Variants in BATF observed in about 807,000 individuals in gnomAD.
BATF encodes the protein basic leucine zipper ATF-like transcription factor, also known as basic leucine zipper transcriptional factor ATF-like.
BATF carries 5 observed loss-of-function variants against 13.7 expected under a neutral mutation model. That is an observed-to-expected ratio of 0.36 (90% confidence interval 0.19 to 0.77). The LOEUF (loss-of-function observed/expected upper bound fraction) is 0.77, where lower values mean the gene tolerates loss of function less well. BATF is among the 30% of genes least tolerant of loss of function. The pLI, the probability that BATF is intolerant of heterozygous loss-of-function variation, is 0.51. For missense variants in BATF, 124 were observed against 163.0 expected, an observed-to-expected ratio of 0.76 and a Z score of 1.30; for synonymous variants, 72 against 67.5, an observed-to-expected ratio of 1.07 and a Z score of -0.33.
chr14:75,545,816 A>G (rs1022600729), intron 2 of BATF, among the ~76,000 whole-genome samples: 1 of 151,980 alleles, frequency 6.6e-6, no homozygotes, highest in Non-Finnish European at 1.5e-5. Flanking sequence ...GCAGAGGAAC[A>G]CACTCACACA....
chr14:75,541,059 A>T (rs1464828514), intron 2 of BATF, among the ~76,000 whole-genome samples: 1 of 152,234 alleles, frequency 6.6e-6, no homozygotes, highest in Admixed American at 6.5e-5. Context: ...CTGCACTCCC[A>T]GTCTGGGCAA....
chr14:75,542,329 T>C (rs1595008901), intron 2 of BATF, among the ~76,000 whole-genome samples: 1 of 152,290 alleles, frequency 6.6e-6, no homozygotes, highest in East Asian at 1.9e-4. Context: ...GAATTCTGAA[T>C]AGGAGAAAGA....
At chr14:75,540,737 A>G (rs1273573166) in intron 2 of BATF, among the ~76,000 whole-genome samples, 1 of 151,864 alleles carries the variant, frequency 6.6e-6, no homozygotes, top group Non-Finnish European at 1.5e-5. Flanking sequence ...ATCAAATGTA[A>G]TGATAACCAT....
At chr14:75,543,659 C>T (rs896646229) in intron 2 of BATF, among the ~76,000 whole-genome samples, 1 of 151,866 alleles carries the variant, frequency 6.6e-6, no homozygotes, top group South Asian at 2.1e-4. Flanking sequence ...AGCCTCCAAC[C>T]CCTGGTGCTC....
chr14:75,525,479 A>G (rs1472417804), intron 2 of BATF, among the ~76,000 whole-genome samples: 1 of 152,022 alleles, frequency 6.6e-6, no homozygotes, highest in Non-Finnish European at 1.5e-5. Context: ...CCTGGCCAAC[A>G]TGGTGAAACC....
At chr14:75,530,953 T>C (rs1403240149) in intron 2 of BATF, among the ~76,000 whole-genome samples, 1 of 152,240 alleles carries the variant, frequency 6.6e-6, no homozygotes, top group Non-Finnish European at 1.5e-5. Flanking sequence ...AAGAGGGAGA[T>C]ACTTGGCATT....
In BATF at chr14:75,525,101, G is replaced by A. The variant is rs1295486527; in HGVS notation, c.81G>A (p.Val27=). 6.2e-7 allele frequency: 1 copy of A among 1,613,598 alleles called. No individual in the cohort carries two copies. Among genetic ancestry groups the A allele is most frequent in the Admixed American group, 1.7e-5 (1 of 59,944 alleles). ...CTTCCCAGGACTCATCTGATGATGT[G>A]AGAAGAGTTCAGAGGAGGGAGAAAA... The part of the protein sequence containing the change: ...PPGKQDSSDD[V]RRVQRREKNR... Residue 27 remains valine (V), a synonymous_variant, in exon 2 of 3, where the codon GTG becomes GTA. Coordinates refer to ENST00000286639, the MANE Select transcript of BATF (RefSeq NM_006399.5).
chr14:75,546,801 GA>G lies in BATF; in HGVS notation c.*132del. The G allele has an allele frequency of 1.6e-6, 2 of 1,244,660 alleles. No homozygotes were observed. Among genetic ancestry groups the G allele is most frequent in the Non-Finnish European group, 2.2e-6 (2 of 891,174 alleles). The allele number at this position is 1,244,660 out of a possible 1,614,324, so 77.1% of individuals were successfully genotyped here. A position where few individuals can be genotyped will look rare whatever the true frequency, so the allele number is the denominator to read the frequency against. ...AGGCCTGGACAAGGAGTGAACACGGGAACTGTCACGACTGGAAGGGCGTGAG... is the reference window on the plus strand; with the variant it reads ...AGGCCTGGACAAGGAGTGAACACGGGACTGTCACGACTGGAAGGGCGTGAG... On this transcript the variant is annotated 3_prime_UTR_variant, in exon 3 of 3. Transcript: ENST00000286639.
At chr14:75,538,263 T>C (rs1887845570) in intron 2 of BATF, among the ~76,000 whole-genome samples, 1 of 152,206 alleles carries the variant, frequency 6.6e-6, no homozygotes, top group African/African-American at 2.4e-5. Context: ...CCTTATGTTA[T>C]TATTAAAAGG....
intron 2 of BATF, among the ~76,000 whole-genome samples, chr14:75,543,547 C>T (rs1048688808): frequency 2.6e-5 from 4 of 152,076 alleles, no homozygotes; most frequent in African/African-American, 7.2e-5. Flanking sequence ...CTGATGGATT[C>T]GTTAGGGCAA....
intron 1 of BATF, among the ~76,000 whole-genome samples, chr14:75,523,699 A>T (rs956151825): frequency 6.6e-6 from 1 of 152,200 alleles, no homozygotes; most frequent in Non-Finnish European, 1.5e-5. Flanking sequence ...TAAAAACTTC[A>T]TTCTTTCCTT....
At chr14:75,544,426 G>A (rs1227546804) in intron 2 of BATF, among the ~76,000 whole-genome samples, 5 of 151,880 alleles carry the variant, frequency 3.3e-5, no homozygotes, top group South Asian at 2.1e-4. Context: ...CTAGCCAGGC[G>A]TGGTGGTGCC....
intron 2 of BATF, among the ~76,000 whole-genome samples, chr14:75,536,452 A>G (rs1245866949): frequency 1.3e-5 from 2 of 152,156 alleles, no homozygotes; most frequent in Non-Finnish European, 2.9e-5. Flanking sequence ...AGGGCTGAGC[A>G]CAGTGGCTCA....
At chr14:75,546,416 C>T (rs907505510) in intron 2 of BATF, 46 bp from the exon 3 acceptor site, 1 of 1,601,172 alleles carries the variant, frequency 6.2e-7, no homozygotes, top group African/African-American at 1.3e-5. Flanking sequence ...CCCACCTTGC[C>T]TCCTTCCTAG....
Position 75,522,667 on chromosome 14 carries a change from C to T in BATF, c.-16C>T. On this transcript the variant is annotated 5_prime_UTR_variant, in exon 1 of 3. Transcript: ENST00000286639. ...GGTGCCTGGGGCTGAGTGTGAGAGC[C>T]CGGAAGATTTCAGCCATGCCTCACA... The T allele has an allele frequency of 6.2e-7, 1 of 1,614,018 alleles. No homozygotes were observed. The highest frequency in any genetic ancestry group is 2.2e-5 in the East Asian group (1 of 44,874).
Position 75,546,612 on chromosome 14 carries a change from G to A in BATF, c.319G>A (p.Val107Met). 6.2e-7 allele frequency: 1 copy of A among 1,613,720 alleles called. No individual in the cohort carries two copies. The highest frequency in any genetic ancestry group is 8.5e-7 in the Non-Finnish European group (1 of 1,179,850). The change falls in exon 3 of 3, where the codon GTG becomes ATG. Residue 107 changes from valine (V) to methionine (M), a missense_variant. Physicochemically the swap from Val to Met is conservative, Grantham distance 21. Transcript: ENST00000286639. ...CAGCACGCCCTCGCCCCCCGAGGTG[G>A]TGTACAGCGCCCACGCATTCCACCA... ...AASTPSPPEVVYSAHAFHQPH... is the reference protein window; with the variant it reads ...AASTPSPPEVMYSAHAFHQPH...
At chr14:75,536,448 G>A (rs1887817557) in intron 2 of BATF, among the ~76,000 whole-genome samples, 1 of 152,140 alleles carries the variant, frequency 6.6e-6, no homozygotes, top group Admixed American at 6.6e-5. Flanking sequence ...TTGTAGGGCT[G>A]AGCACAGTGG....
At chr14:75,528,950 G>A (rs1011230192) in intron 2 of BATF, among the ~76,000 whole-genome samples, 1 of 152,200 alleles carries the variant, frequency 6.6e-6, no homozygotes, top group African/African-American at 2.4e-5. Flanking sequence ...ATTATGAAGA[G>A]TGTATCCTAA....
intron 2 of BATF, among the ~76,000 whole-genome samples, chr14:75,527,263 T>C (rs1268038191): frequency 6.6e-6 from 1 of 152,294 alleles, no homozygotes; most frequent in East Asian, 1.9e-4. Context: ...ACACATTTTA[T>C]ATATATATGA....
Sources: gnomAD v4.1 joint callset for allele counts (sites outside exome capture counted in the v4.1 genomes callset) on GRCh38, gnomAD v4.1.1 for gene constraint, MANE v1.5 for transcripts, NCBI Gene and HGNC (gene_info 2026-07-23, HGNC 2026-07-21) for gene names.